The following EPHA6 variants were observed in gnomAD, a reference collection of about 807,000 sequenced individuals.
The protein encoded by EPHA6 is EPH receptor A6.
In EPHA6, 50 loss-of-function variants were observed where a neutral mutation model predicts 112.0. That is an observed-to-expected ratio of 0.45 (90% CI 0.36 to 0.56). The LOEUF (loss-of-function observed/expected upper bound fraction) is 0.56, where lower values mean the gene tolerates loss of function less well. EPHA6 is among the 20% of genes least tolerant of loss of function. The probability of loss-of-function intolerance (pLI) is 0.00; values close to 1 mark genes in which losing one functional copy is unlikely to be tolerated. For missense variants in EPHA6, 1,280 were observed against 1,417.4 expected (o/e 0.90, Z 1.56); for synonymous variants, 529 against 490.7 (o/e 1.08, Z -1.03).
At chr3:97,014,261 A>C (rs79949206) in intron 3 of EPHA6, among the ~76,000 whole-genome samples, 2,061 of 152,168 alleles carry the variant, frequency 0.014, 28 homozygotes, top group Non-Finnish European at 0.018. Flanking sequence ...TTTACCATTA[A>C]ATATTAAAAT....
At chr3:96,868,726 A>T (rs2036467218) in intron 2 of EPHA6, among the ~76,000 whole-genome samples, 2 of 152,000 alleles carry the variant, frequency 1.3e-5, no homozygotes, top group African/African-American at 4.8e-5. Context: ...TATTATAAAT[A>T]ATGTATTTCT....
chr3:97,066,612 C>T (rs576412679), intron 3 of EPHA6, among the ~76,000 whole-genome samples: 2 of 152,252 alleles, frequency 1.3e-5, no homozygotes, highest in South Asian at 2.1e-4. Flanking sequence ...TTTATCTTAT[C>T]AAAACAGATG....
At chr3:97,732,835 C>T (rs992803436) in intron 15 of EPHA6, among the ~76,000 whole-genome samples, 13 of 152,152 alleles carry the variant, frequency 8.5e-5, no homozygotes, top group Middle Eastern at 3.4e-3. Context: ...ATCACTGTCA[C>T]TCTTGCTGTT....
chr3:97,475,396 A>G lies in EPHA6; in HGVS notation c.1939A>G (p.Thr647Ala). ...ACAAGGACAGATTCTCGTGATAGCCACCGCCGCTGTTGGCGGATTCACTCT... is the reference window on the plus strand; with the variant it reads ...ACAAGGACAGATTCTCGTGATAGCCGCCGCCGCTGTTGGCGGATTCACTCT... ...AEQGQILVIATAAVGGFTLLV... is the reference protein window; with the variant it reads ...AEQGQILVIAAAAVGGFTLLV... The change falls in exon 8 of 18, where the codon ACC (threonine) becomes GCC (alanine). Residue 647 changes from threonine (T) to alanine (A), a missense_variant. Physicochemically the swap from Thr to Ala is moderately conservative, Grantham distance 58 (BLOSUM62 0). Transcript: ENST00000389672. The G allele has an allele frequency of 6.2e-7, 1 of 1,612,134 alleles. No individual in the cohort carries two copies. The highest frequency in any genetic ancestry group is 8.5e-7 in the Non-Finnish European group (1 of 1,179,014).
chr3:97,418,183 C>T (rs1272760737), intron 6 of EPHA6, among the ~76,000 whole-genome samples: 1 of 151,106 alleles, frequency 6.6e-6, no homozygotes, highest in Admixed American at 6.6e-5. Context: ...GATACACAGT[C>T]ATACACTATA....
chr3:97,009,561 G>A (rs978169123), intron 3 of EPHA6, among the ~76,000 whole-genome samples: 1 of 152,198 alleles, frequency 6.6e-6, no homozygotes, highest in Non-Finnish European at 1.5e-5. Context: ...TCCCACTGCT[G>A]GTTGCTTCCT....
chr3:97,184,892 A>G (rs4857244), intron 3 of EPHA6, among the ~76,000 whole-genome samples: 59,156 of 151,960 alleles, frequency 0.39, 16,035 homozygotes, highest in African/African-American at 0.77. Context: ...ACAGAACAGA[A>G]TCCTCAGAAA....
intron 14 of EPHA6, among the ~76,000 whole-genome samples, chr3:97,643,653 T>A (rs2094030427): frequency 6.6e-6 from 1 of 151,810 alleles, no homozygotes; most frequent in Non-Finnish European, 1.5e-5. Context: ...TAGTCTCTGA[T>A]AAAACAGACT....
chr3:96,921,021 T>A (rs1395069520), intron 2 of EPHA6, among the ~76,000 whole-genome samples: 1 of 152,018 alleles, frequency 6.6e-6, no homozygotes, highest in Non-Finnish European at 1.5e-5. Context: ...AAGAAAAGAG[T>A]TAATTCTCAT....
chr3:96,946,697 G>T (rs868027376), intron 2 of EPHA6, among the ~76,000 whole-genome samples: 1 of 152,124 alleles, frequency 6.6e-6, no homozygotes, highest in Middle Eastern at 3.2e-3. Flanking sequence ...CCCAGTAACG[G>T]GATGGCTGGG....
intron 3 of EPHA6, among the ~76,000 whole-genome samples, chr3:97,225,439 C>T (rs2078326862): frequency 6.6e-6 from 1 of 152,142 alleles, no homozygotes; most frequent in Non-Finnish European, 1.5e-5. Flanking sequence ...TTAAACAATA[C>T]TTCAATTATG....
At chr3:97,049,802 G>A (rs907251717) in intron 3 of EPHA6, among the ~76,000 whole-genome samples, 5 of 152,032 alleles carry the variant, frequency 3.3e-5, no homozygotes, top group Admixed American at 6.5e-5. Context: ...CCAGATCTTC[G>A]GAGAACTGAT....
chr3:97,567,346 C>T (rs941071365), intron 11 of EPHA6, among the ~76,000 whole-genome samples: 1 of 152,046 alleles, frequency 6.6e-6, no homozygotes, highest in Non-Finnish European at 1.5e-5. Flanking sequence ...TGCCACATTG[C>T]ACAACTTTGG....
intron 1 of EPHA6, among the ~76,000 whole-genome samples, chr3:96,865,631 A>G (rs1163514404): frequency 2.8e-5 from 4 of 143,856 alleles, no homozygotes; most frequent in Non-Finnish European, 4.5e-5. Context: ...TTCAGTGAGT[A>G]TGATTGTGCC....
chr3:96,938,565 T>G (rs28844656), intron 2 of EPHA6, among the ~76,000 whole-genome samples: 2 of 152,210 alleles, frequency 1.3e-5, no homozygotes, highest in South Asian at 2.1e-4. Flanking sequence ...CAGGGACAAT[T>G]TGACTTCCTC....
At chr3:97,167,478 A>G (rs772961085) in intron 3 of EPHA6, among the ~76,000 whole-genome samples, 10 of 152,050 alleles carry the variant, frequency 6.6e-5, no homozygotes, top group Non-Finnish European at 1.5e-4. Context: ...ACTCTACTGT[A>G]TGTTTAGGTG....
Position 97,716,365 on chromosome 3 carries a change from G to A in EPHA6, c.2785-3896G>A, listed in dbSNP as rs1004925898. Reference sequence around the variant, plus strand: ...GGGTGGATCATGAGGTCAGGAGATCGAGACCATCCTGGCTAACAAGGTGAA... The same window carrying A: ...GGGTGGATCATGAGGTCAGGAGATCAAGACCATCCTGGCTAACAAGGTGAA... On this transcript the variant is annotated intron_variant, in intron 14 of 17. Coordinates refer to ENST00000389672, the MANE Select transcript of EPHA6 (RefSeq NM_001080448.3). Among the ~76,000 whole-genome samples, 27 of 124,786 alleles carry A rather than the reference G, an allele frequency of 2.2e-4. 4 individuals carry two copies. Among genetic ancestry groups the A allele is most frequent in the African/African-American group, 1.3e-3 (26 of 19,292 alleles). The allele number at this position is 124,786 out of a possible 152,430, so 81.9% of individuals were successfully genotyped here. A position where few individuals can be genotyped will look rare whatever the true frequency, so the allele number is the denominator to read the frequency against.
chr3:97,615,429 T>C (rs925775230), intron 13 of EPHA6, among the ~76,000 whole-genome samples: 2 of 152,080 alleles, frequency 1.3e-5, no homozygotes, highest in Admixed American at 6.6e-5. Flanking sequence ...CCTCCATACA[T>C]AGCCCTGAAA....
Position 97,012,605 on chromosome 3 carries a change from GTGTA to G in EPHA6, c.1114+24614_1114+24617del, listed in dbSNP as rs1363936930. Among the ~76,000 whole-genome samples, 339 of 139,816 alleles carry G rather than the reference GTGTA, an allele frequency of 2.4e-3. 2 individuals carry two copies. Among genetic ancestry groups the G allele is most frequent in the African/African-American group, 9.2e-3 (322 of 34,972 alleles). The allele number at this position is 139,816 out of a possible 152,430, so 91.7% of individuals were successfully genotyped here. A position where few individuals can be genotyped will look rare whatever the true frequency, so the allele number is the denominator to read the frequency against. On this transcript the variant is annotated intron_variant, in intron 3 of 17. Coordinates refer to ENST00000389672, the MANE Select transcript of EPHA6 (RefSeq NM_001080448.3). ...TATATATGTGTGTGTGTGTGTGTGT[GTGTA>G]TATATATATATATGTATTTTTTTTT...
Sources: gnomAD v4.1 joint callset for allele counts (sites outside exome capture counted in the v4.1 genomes callset) on GRCh38, gnomAD v4.1.1 for gene constraint, MANE v1.5 for transcripts, NCBI Gene and HGNC (gene_info 2026-07-23, HGNC 2026-07-21) for gene names.